PDE1A: variants seen among roughly 807,000 people sequenced by gnomAD.
PDE1A encodes the protein dual specificity calcium/calmodulin-dependent 3',5'-cyclic nucleotide phosphodiesterase 1A.
Under a neutral mutation model 61.7 loss-of-function variants are expected in PDE1A, and 35 were observed. The ratio of observed to expected loss-of-function variants is 0.57; its 90% CI spans 0.43 to 0.75. The LOEUF is 0.75. PDE1A is among the 30% of genes least tolerant of loss of function. PDE1A has a pLI of 0.00. For synonymous variants in PDE1A, 232 were observed against 213.2 expected, an observed-to-expected ratio of 1.09 and a Z score of -0.77; for missense variants, 597 against 630.6, an observed-to-expected ratio of 0.95 and a Z score of 0.57.
At chr2:182,206,350 A>G (rs1687101105) in intron 7 of PDE1A, among the ~76,000 whole-genome samples, 1 of 152,174 alleles carries the variant, frequency 6.6e-6, no homozygotes, top group African/African-American at 2.4e-5. Flanking sequence ...CATTGTCAAC[A>G]TCCCCAACAA....
At chr2:182,591,617 A>C in the PDE1A span, among the ~76,000 whole-genome samples, 1 of 152,238 alleles carries the variant, frequency 6.6e-6, no homozygotes, top group Non-Finnish European at 1.5e-5. Context: ...TATACATTGT[A>C]GGGTTTTCCA....
intron 1 of PDE1A, among the ~76,000 whole-genome samples, chr2:182,308,088 G>A (rs1695714857): frequency 6.6e-6 from 1 of 152,058 alleles, no homozygotes; most frequent in African/African-American, 2.4e-5. Context: ...ATGTCCACTG[G>A]AGAAATTACT....
chr2:182,226,020 C>T (rs1689111790), intron 6 of PDE1A, among the ~76,000 whole-genome samples: 1 of 149,656 alleles, frequency 6.7e-6, no homozygotes, highest in Admixed American at 6.6e-5. Flanking sequence ...TGGAACTAAA[C>T]ACCATGAAAT....
intron 2 of PDE1A, among the ~76,000 whole-genome samples, chr2:182,489,929 C>G (rs1174951654): frequency 6.6e-6 from 1 of 152,110 alleles, no homozygotes; most frequent in Non-Finnish European, 1.5e-5. Flanking sequence ...GGCAGTAGCA[C>G]AGATAAAGAC....
intron 2 of PDE1A, among the ~76,000 whole-genome samples, chr2:182,453,223 C>T (rs1685644208): frequency 6.6e-6 from 1 of 151,982 alleles, no homozygotes; most frequent in African/African-American, 2.4e-5. Context: ...TAGGGTAATT[C>T]CTTTGTTTCG....
chr2:182,236,064 G>A (rs921239853), intron 3 of PDE1A, among the ~76,000 whole-genome samples: 5 of 152,122 alleles, frequency 3.3e-5, no homozygotes, highest in Non-Finnish European at 5.9e-5. Context: ...TGATGAAGTA[G>A]CTCTCCATTT....
the PDE1A span, among the ~76,000 whole-genome samples, chr2:182,528,381 G>A: frequency 1.3e-5 from 2 of 152,166 alleles, no homozygotes; most frequent in Non-Finnish European, 2.9e-5. Context: ...TGAGGGAGAT[G>A]AGGTAGGGTA....
At chr2:182,321,989 G>T (rs932372161) in intron 1 of PDE1A, among the ~76,000 whole-genome samples, 1 of 152,100 alleles carries the variant, frequency 6.6e-6, no homozygotes, top group African/African-American at 2.4e-5. Context: ...AAATTTCAAG[G>T]TAATTACCTT....
chr2:182,415,188 C>T (rs1021375767), intron 1 of PDE1A, among the ~76,000 whole-genome samples: 1 of 151,970 alleles, frequency 6.6e-6, no homozygotes, highest in Non-Finnish European at 1.5e-5. Flanking sequence ...GAGAAAATAG[C>T]CTTCTGAGGG....
chr2:182,166,757 C>T (rs1331349593), downstream of PDE1A, among the ~76,000 whole-genome samples: 1 of 152,160 alleles, frequency 6.6e-6, no homozygotes, highest in East Asian at 1.9e-4. Flanking sequence ...CCAAGTTTTC[C>T]ACCTCCTGTG....
the PDE1A span, among the ~76,000 whole-genome samples, chr2:182,613,489 G>T: frequency 6.6e-6 from 1 of 151,834 alleles, no homozygotes; most frequent in Non-Finnish European, 1.5e-5. Flanking sequence ...CGTGAACCTA[G>T]GAGGCAGAGC....
rs1694683838 is a variant in PDE1A, at chr2:182,293,613, C to T, written c.54-29199G>A. ...TTCGTGGGGAATGTGTTCCAAAACT[C>T]CCAGTGGATGTCTGAAACTACAGAA... On this transcript the variant is annotated intron_variant, in intron 1 of 13. Transcript: ENST00000351439. Among the ~76,000 whole-genome samples, 3 of 152,040 alleles carry T rather than the reference C, an allele frequency of 2.0e-5. No homozygotes were observed. In the South Asian group the frequency reaches 6.2e-4, roughly 32 times the overall value.
At chr2:182,268,958 A>G (rs1345630140) in intron 1 of PDE1A, among the ~76,000 whole-genome samples, 1 of 152,146 alleles carries the variant, frequency 6.6e-6, no homozygotes, top group Non-Finnish European at 1.5e-5. Flanking sequence ...CAGGCATGCA[A>G]ACAAGCAGAA....
chr2:182,446,585 A>G (rs1383723546), intron 2 of PDE1A, among the ~76,000 whole-genome samples: 1 of 152,172 alleles, frequency 6.6e-6, no homozygotes, highest in Non-Finnish European at 1.5e-5. Flanking sequence ...AAGAGCATGT[A>G]TTCAGATTGA....
chr2:182,308,818 C>T (rs1258926285), intron 1 of PDE1A, among the ~76,000 whole-genome samples: 2 of 151,978 alleles, frequency 1.3e-5, no homozygotes, highest in Non-Finnish European at 2.9e-5. Context: ...TAAAGTGCAG[C>T]GTGCAACCTA....
chr2:182,450,391 T>C (rs1045124130), intron 2 of PDE1A, among the ~76,000 whole-genome samples: 5 of 152,132 alleles, frequency 3.3e-5, no homozygotes, highest in African/African-American at 1.2e-4. Flanking sequence ...AAATCTTCCA[T>C]GAATAGAATT....
At chr2:182,526,404 A>C (rs1418695258), upstream of PDE1A, among the ~76,000 whole-genome samples, 1 of 152,196 alleles carries the variant, frequency 6.6e-6, no homozygotes, top group Non-Finnish European at 1.5e-5. Flanking sequence ...AGGAAACAGA[A>C]AATAAGGGTT....
At chr2:182,487,215 A>C (rs1377742931) in intron 2 of PDE1A, among the ~76,000 whole-genome samples, 1 of 152,198 alleles carries the variant, frequency 6.6e-6, no homozygotes, top group East Asian at 1.9e-4. Flanking sequence ...CTACAATGAG[A>C]TACAATTCCA....
chr2:182,623,845 G>T, the PDE1A span, among the ~76,000 whole-genome samples: 27 of 152,138 alleles, frequency 1.8e-4, no homozygotes, highest in Non-Finnish European at 3.5e-4. Context: ...AAGAAGACAG[G>T]CCAGGCGCGG....
Sources: gnomAD v4.1 joint callset for allele counts (sites outside exome capture counted in the v4.1 genomes callset) on GRCh38, gnomAD v4.1.1 for gene constraint, MANE v1.5 for transcripts, NCBI Gene and HGNC (gene_info 2026-07-23, HGNC 2026-07-21) for gene names.